The following C13orf42 variants were observed in gnomAD, a reference collection of about 807,000 sequenced individuals.
The protein encoded by C13orf42 is chromosome 13 open reading frame 42, also known as uncharacterized protein C13orf42.
intron 1 of C13orf42, among the ~76,000 whole-genome samples, chr13:51,153,175 C>T (rs1246709267): frequency 2.0e-5 from 3 of 152,136 alleles, no homozygotes; most frequent in Non-Finnish European, 2.9e-5. Context: ...TTGCACCTGC[C>T]GCCTCCCTAG....
At chr13:51,152,030 A>C (rs1164888054) in intron 1 of C13orf42, among the ~76,000 whole-genome samples, 1 of 152,208 alleles carries the variant, frequency 6.6e-6, no homozygotes, top group African/African-American at 2.4e-5. Flanking sequence ...CATTCTAACA[A>C]GATCCCAGGG....
intron 1 of C13orf42, among the ~76,000 whole-genome samples, chr13:51,154,631 G>A (rs987946754): frequency 6.6e-6 from 1 of 152,204 alleles, no homozygotes; most frequent in South Asian, 2.1e-4. Flanking sequence ...CCAGTCAGAA[G>A]CAGCATGTAT....
At chr13:51,158,319 T>C (rs1202310446) in intron 1 of C13orf42, among the ~76,000 whole-genome samples, 2 of 152,234 alleles carry the variant, frequency 1.3e-5, no homozygotes, top group African/African-American at 2.4e-5. Context: ...GGTTCCTGGC[T>C]ATGCCTCTCC....
intron 1 of C13orf42, among the ~76,000 whole-genome samples, chr13:51,159,367 G>A (rs948301329): frequency 2.0e-5 from 3 of 152,172 alleles, no homozygotes; most frequent in Admixed American, 6.5e-5. Flanking sequence ...GGAACAGTGT[G>A]GGGGATAGAA....
chr13:51,165,440 C>T (rs1172704253), intron 1 of C13orf42, among the ~76,000 whole-genome samples: 2 of 152,182 alleles, frequency 1.3e-5, no homozygotes, highest in African/African-American at 2.4e-5. Flanking sequence ...CCTACTGGGG[C>T]CCTGACTAAT....
chr13:51,116,126 T>A (rs1953489136), upstream of C13orf42, among the ~76,000 whole-genome samples: 1 of 151,808 alleles, frequency 6.6e-6, no homozygotes, highest in Non-Finnish European at 1.5e-5. Context: ...TTTACAAGAC[T>A]GAAAATGTAC....
intron 1 of C13orf42, among the ~76,000 whole-genome samples, chr13:51,157,867 A>G (rs1953836430): frequency 6.6e-6 from 1 of 152,248 alleles, no homozygotes; most frequent in Non-Finnish European, 1.5e-5. Flanking sequence ...CAAAAGATTT[A>G]AAATCTCTCA....
chr13:51,157,438 GATAAA>G (rs140215536), intron 1 of C13orf42, among the ~76,000 whole-genome samples: 5,461 of 151,896 alleles, frequency 0.036, 330 homozygotes, highest in African/African-American at 0.12. Context: ...CATCTCAAAA[GATAAA>G]ATAAAATAAA....
intron 1 of C13orf42, among the ~76,000 whole-genome samples, chr13:51,107,587 AG>A (rs1953373169): frequency 6.6e-6 from 1 of 152,198 alleles, no homozygotes; most frequent in African/African-American, 2.4e-5. Context: ...GGCAGCAGAA[AG>A]GGCCTGCCAT....
At chr13:51,089,527 C>T (rs1407967623) in intron 1 of C13orf42, among the ~76,000 whole-genome samples, 1 of 152,044 alleles carries the variant, frequency 6.6e-6, no homozygotes, top group Non-Finnish European at 1.5e-5. Flanking sequence ...CCCCTTTGCT[C>T]GCCCTCTCTC....
intron 1 of C13orf42, among the ~76,000 whole-genome samples, chr13:51,116,815 G>T (rs977073856): frequency 2.6e-4 from 39 of 152,348 alleles, no homozygotes; most frequent in Middle Eastern, 3.4e-3. Flanking sequence ...GCTGCATTCA[G>T]TGGTGGGTTG....
intron 1 of C13orf42, among the ~76,000 whole-genome samples, chr13:51,109,803 G>A (rs1038454758): frequency 6.6e-6 from 1 of 152,070 alleles, no homozygotes; most frequent in Non-Finnish European, 1.5e-5. Context: ...TGAATGAATT[G>A]CCGGCTCATA....
chr13:51,123,477 C>T (rs1056813712), intron 1 of C13orf42, among the ~76,000 whole-genome samples: 1 of 152,184 alleles, frequency 6.6e-6, no homozygotes, highest in East Asian at 1.9e-4. Context: ...CATATGGTCT[C>T]TTCAAATTTC....
At chr13:51,087,526 T>G (rs1159855789) in intron 2 of C13orf42, among the ~76,000 whole-genome samples, 4 of 152,186 alleles carry the variant, frequency 2.6e-5, no homozygotes, top group Admixed American at 2.6e-4. Context: ...CTTTTTCATC[T>G]CAAAAAACTG....
chr13:51,154,504 C>G (rs1016332808), intron 1 of C13orf42, among the ~76,000 whole-genome samples: 1 of 152,104 alleles, frequency 6.6e-6, no homozygotes, highest in South Asian at 2.1e-4. Context: ...TCTGCTTCAG[C>G]CAATGGAACT....
intron 1 of C13orf42, among the ~76,000 whole-genome samples, chr13:51,090,195 C>G (rs542809816): frequency 6.6e-6 from 1 of 152,282 alleles, no homozygotes; most frequent in South Asian, 2.1e-4. Flanking sequence ...TTTTCTCTTG[C>G]TGCTTCCTTT....
At chr13:51,164,381 G>T (rs1953889619) in intron 1 of C13orf42, among the ~76,000 whole-genome samples, 1 of 152,186 alleles carries the variant, frequency 6.6e-6, no homozygotes. Context: ...ATAAATAACA[G>T]CCAGGCACGG....
chr13:51,114,637 T>C (rs536178261), upstream of C13orf42, among the ~76,000 whole-genome samples: 2 of 93,724 alleles, frequency 2.1e-5, no homozygotes, highest in South Asian at 3.9e-4. Flanking sequence ...GATAGATAGA[T>C]AGATAGATAG....
intron 1 of C13orf42, among the ~76,000 whole-genome samples, chr13:51,094,083 T>C (rs144744412): frequency 6.6e-6 from 1 of 152,334 alleles, no homozygotes; most frequent in Non-Finnish European, 1.5e-5. Flanking sequence ...AACTCTTTCA[T>C]GGTGGATCCG....
Sources: gnomAD v4.1 joint callset for allele counts (sites outside exome capture counted in the v4.1 genomes callset) on GRCh38, gnomAD v4.1.1 for gene constraint, MANE v1.5 for transcripts, NCBI Gene and HGNC (gene_info 2026-07-23, HGNC 2026-07-21) for gene names.